Variants in NAALADL2 observed in about 807,000 individuals in gnomAD.
The protein encoded by NAALADL2 is inactive N-acetylated-alpha-linked acidic dipeptidase-like protein 2.
Under a neutral mutation model 87.2 loss-of-function variants are expected in NAALADL2, and 76 were observed. The ratio of observed to expected loss-of-function variants is 0.87; its 90% CI spans 0.72 to 1.05. NAALADL2 has a LOEUF of 1.05. Among genes scored for constraint, NAALADL2 ranks in the 50% least tolerant of loss-of-function variants. The probability of loss-of-function intolerance (pLI) is 0.00; values close to 1 mark genes in which losing one functional copy is unlikely to be tolerated. For synonymous variants in NAALADL2, 354 were observed against 331.0 expected (o/e 1.07, Z -0.75); for missense variants, 1,089 against 945.8 (o/e 1.15, Z -1.99).
At chr3:175,133,994 A>G (rs972269445) in intron 2 of NAALADL2, among the ~76,000 whole-genome samples, 2 of 152,186 alleles carry the variant, frequency 1.3e-5, no homozygotes, top group East Asian at 1.9e-4. Context: ...AATTCCCCAG[A>G]TAATCATCTA....
At chr3:174,723,592 A>G (rs1332117264) in intron 2 of NAALADL2, among the ~76,000 whole-genome samples, 1 of 151,858 alleles carries the variant, frequency 6.6e-6, no homozygotes, top group Non-Finnish European at 1.5e-5. Context: ...CATCTCTGCT[A>G]AAAATACAAA....
At chr3:175,725,743 G>A (rs1742832848) in intron 11 of NAALADL2, among the ~76,000 whole-genome samples, 1 of 151,946 alleles carries the variant, frequency 6.6e-6, no homozygotes, top group African/African-American at 2.4e-5. Flanking sequence ...GTGGACCTTG[G>A]GAAATTTAAT....
chr3:174,907,801 T>G (rs1733155256), intron 1 of NAALADL2, among the ~76,000 whole-genome samples: 1 of 151,958 alleles, frequency 6.6e-6, no homozygotes, highest in Non-Finnish European at 1.5e-5. Flanking sequence ...ACAAACAAAA[T>G]GAAGATTAAG....
At chr3:175,149,809 A>G (rs1350770072) in intron 2 of NAALADL2, among the ~76,000 whole-genome samples, 1 of 152,074 alleles carries the variant, frequency 6.6e-6, no homozygotes, top group Non-Finnish European at 1.5e-5. Context: ...ACAGAACCGG[A>G]TTAGTGCGGT....
chr3:174,800,123 AG>A (rs1718641480), intron 3 of NAALADL2, among the ~76,000 whole-genome samples: 3 of 152,330 alleles, frequency 2.0e-5, no homozygotes, highest in African/African-American at 7.2e-5. Context: ...ACAATGTGAT[AG>A]AAAAGAAAAT....
At chr3:174,938,808 A>G (rs1438118075) in intron 1 of NAALADL2, among the ~76,000 whole-genome samples, 1 of 151,972 alleles carries the variant, frequency 6.6e-6, no homozygotes, top group Non-Finnish European at 1.5e-5. Context: ...TGTTGATCAC[A>G]TACATGTCTT....
chr3:174,754,940 G>A (rs1237604910), intron 3 of NAALADL2, among the ~76,000 whole-genome samples: 1 of 152,058 alleles, frequency 6.6e-6, no homozygotes, highest in Non-Finnish European at 1.5e-5. Context: ...CCTTTTTTAA[G>A]TTTATATAAC....
At position 175,343,655 on chromosome 3, in the gene NAALADL2, G is replaced by GTTTTTTTTTTTTTTTTTTTTTTTTT. The variant is rs113806607; in HGVS notation, c.1090+19351_1090+19352insTTTTTTTTTTTTTTTTTTTTTTTTT. ...TGGAGTTCCTGTGTGTCTTGATCAT[G>GTTTTTTTTTTTTTTTTTTTTTTTTT]TTTTTTTTTTTTTTTTTTTTTCCCT... On this transcript the variant is annotated intron_variant, in intron 5 of 13. Transcript: ENST00000454872. Among the ~76,000 whole-genome samples, 102 of 64,704 alleles carry GTTTTTTTTTTTTTTTTTTTTTTTTT rather than the reference G, an allele frequency of 1.6e-3. 22 individuals are homozygous for GTTTTTTTTTTTTTTTTTTTTTTTTT. The highest frequency in any genetic ancestry group is 2.5e-3 in the Non-Finnish European group (75 of 30,102). The allele number at this position is 64,704 out of a possible 152,430, so 42.4% of individuals were successfully genotyped here.
At chr3:175,721,619 A>C (rs778393417) in intron 11 of NAALADL2, among the ~76,000 whole-genome samples, 6 of 152,110 alleles carry the variant, frequency 3.9e-5, no homozygotes, top group Admixed American at 1.3e-4. Flanking sequence ...CTGGATATAC[A>C]GGCATCAACT....
At chr3:175,411,351 G>A (rs761222815) in intron 5 of NAALADL2, among the ~76,000 whole-genome samples, 1 of 152,166 alleles carries the variant, frequency 6.6e-6, no homozygotes, top group Non-Finnish European at 1.5e-5. Context: ...AAAAATTCAG[G>A]AAGAGGGATT....
intron 2 of NAALADL2, among the ~76,000 whole-genome samples, chr3:175,171,226 A>G (rs186650496): frequency 6.6e-6 from 1 of 152,140 alleles, no homozygotes; most frequent in East Asian, 1.9e-4. Flanking sequence ...TCAGAAACTT[A>G]TATTACAGAG....
At chr3:175,316,034 G>A (rs893377034) in intron 4 of NAALADL2, among the ~76,000 whole-genome samples, 5 of 152,090 alleles carry the variant, frequency 3.3e-5, no homozygotes, top group Non-Finnish European at 7.4e-5. Context: ...TTCATTTAGA[G>A]CAGAAAGGAT....
chr3:174,485,213 A>G (rs1207415258), intron 1 of NAALADL2, among the ~76,000 whole-genome samples: 1 of 152,032 alleles, frequency 6.6e-6, no homozygotes, highest in Admixed American at 6.6e-5. Context: ...TAGCATTTAC[A>G]TTGCATGAGG....
At chr3:174,995,679 G>T (rs577753068) in intron 1 of NAALADL2, among the ~76,000 whole-genome samples, 1 of 151,658 alleles carries the variant, frequency 6.6e-6, no homozygotes, top group South Asian at 2.1e-4. Context: ...ATATATTATA[G>T]AATTTTCTAC....
chr3:174,854,166 T>C (rs1280794510), intron 3 of NAALADL2, among the ~76,000 whole-genome samples: 1 of 152,164 alleles, frequency 6.6e-6, no homozygotes, highest in Non-Finnish European at 1.5e-5. Context: ...AAATAAAATA[T>C]AGTACTTATA....
chr3:174,532,437 A>G (rs1400522446), intron 1 of NAALADL2, among the ~76,000 whole-genome samples: 1 of 152,056 alleles, frequency 6.6e-6, no homozygotes, highest in Non-Finnish European at 1.5e-5. Context: ...GGAAAGGGGG[A>G]GGGTATGGAA....
In NAALADL2 at chr3:175,544,483, T is replaced by C. The variant is rs183141421; in HGVS notation, c.1654-31558T>C. Among the ~76,000 whole-genome samples the C allele has an allele frequency of 4.6e-5, 7 of 152,322 alleles. No individual in the cohort carries two copies. The East Asian group carries it at 1.2e-3, about 25-fold the overall frequency. On this transcript the variant is annotated intron_variant, in intron 9 of 13. Transcript: ENST00000454872. ...TTTTTATTCTCAAAAGTAACTTCCA[T>C]AAATTTTTACTGAAATTTTTCGTAT...
chr3:175,214,107 T>G (rs1291477954), intron 2 of NAALADL2, among the ~76,000 whole-genome samples: 1 of 152,216 alleles, frequency 6.6e-6, no homozygotes, highest in Non-Finnish European at 1.5e-5. Flanking sequence ...AATGACTTTT[T>G]GAAACAAATG....
At chr3:175,046,983 C>T (rs1455115811) in intron 1 of NAALADL2, among the ~76,000 whole-genome samples, 2 of 152,126 alleles carry the variant, frequency 1.3e-5, no homozygotes, top group Non-Finnish European at 2.9e-5. Context: ...CAGTGTCTGG[C>T]AAGGGACTGA....
Sources: gnomAD v4.1 joint callset for allele counts (sites outside exome capture counted in the v4.1 genomes callset) on GRCh38, gnomAD v4.1.1 for gene constraint, MANE v1.5 for transcripts, NCBI Gene and HGNC (gene_info 2026-07-23, HGNC 2026-07-21) for gene names.